Variants in UBE3C observed in about 807,000 individuals in gnomAD.
UBE3C encodes ubiquitin-protein ligase E3C.
Under a neutral mutation model 129.4 loss-of-function variants are expected in UBE3C, and 42 were observed. The observed-to-expected ratio is 0.32, with a 90% CI of 0.25 to 0.42. UBE3C has a LOEUF of 0.42. Among genes scored for constraint, UBE3C ranks in the 10% least tolerant of loss-of-function variants. UBE3C has a pLI of 1.00. For synonymous variants in UBE3C, 510 were observed against 492.4 expected, an observed-to-expected ratio of 1.04 and a Z score of -0.47; for missense variants, 1,049 against 1,319.1, an observed-to-expected ratio of 0.80 and a Z score of 3.17.
chr7:157,226,394 A>G (rs1795879883), intron 17 of UBE3C, among the ~76,000 whole-genome samples: 1 of 152,232 alleles, frequency 6.6e-6, no homozygotes, highest in African/African-American at 2.4e-5. Flanking sequence ...AACCTCTAAT[A>G]TATTAGCAGT....
At chr7:157,164,531 G>A in intron 2 of UBE3C, 1 of 441,024 alleles carries the variant, frequency 2.3e-6, no homozygotes, top group South Asian at 1.6e-5. Flanking sequence ...TGTGAAGAAG[G>A]TAAAAGAAAG....
intron 18 of UBE3C, among the ~76,000 whole-genome samples, chr7:157,246,012 A>AAC (rs1249715774): frequency 3.3e-5 from 5 of 151,924 alleles, no homozygotes; most frequent in South Asian, 2.1e-4. Flanking sequence ...AAAAAAAAAA[A>AAC]AACAGTGTTC....
At chr7:157,198,073 C>G in intron 10 of UBE3C, 2 of 1,611,866 alleles carry the variant, frequency 1.2e-6, no homozygotes, top group Non-Finnish European at 1.7e-6. Context: ...CCTCTTTTAA[C>G]AAACTCCAGA....
intron 1 of UBE3C, among the ~76,000 whole-genome samples, chr7:157,155,229 A>G (rs1426905827): frequency 6.6e-6 from 1 of 152,170 alleles, no homozygotes; most frequent in Non-Finnish European, 1.5e-5. Flanking sequence ...ATTACTCACA[A>G]ATGTTAACTT....
intron 13 of UBE3C, among the ~76,000 whole-genome samples, chr7:157,208,968 A>G (rs532543540): frequency 1.3e-5 from 2 of 152,376 alleles, no homozygotes; most frequent in East Asian, 1.9e-4. Flanking sequence ...ACTAATGTTC[A>G]GTTCGAGTCA....
Position 157,207,472 on chromosome 7 carries a change from C to A in UBE3C, c.1493C>A (p.Pro498Gln). ...MSFEDSSRII[P>Q]LFYLFSSLFS... Reference sequence around the variant, plus strand: ...TTTGAAGATTCTAGTCGAATCATCCCACTCTTTTATCTTTTTAGCTCCTTG... The same window carrying A: ...TTTGAAGATTCTAGTCGAATCATCCAACTCTTTTATCTTTTTAGCTCCTTG... Residue 498 changes from proline to glutamine, a missense_variant, in exon 12 of 23, where the codon CCA becomes CAA. This residue lies in a region of UBE3C where 314 missense variants were observed against 416.9 expected (regional missense o/e 0.75). Transcript: ENST00000348165. 1 of 1,613,904 alleles carries A rather than the reference C, an allele frequency of 6.2e-7. No individual in the cohort carries two copies. The highest frequency in any genetic ancestry group is 8.5e-7 in the Non-Finnish European group (1 of 1,179,994).
chr7:157,221,959 TC>T (rs1795749949), intron 15 of UBE3C: 1 of 152,190 alleles, frequency 6.6e-6, no homozygotes, highest in African/African-American at 2.4e-5. Context: ...AGCCTTGACT[TC>T]CTGGGCTTCA....
At chr7:157,203,439 C>T (rs546429172) in intron 11 of UBE3C, among the ~76,000 whole-genome samples, 7 of 152,200 alleles carry the variant, frequency 4.6e-5, no homozygotes, top group African/African-American at 1.4e-4. Context: ...CTTCTGACTA[C>T]GCCAGCTTTG....
At chr7:157,179,762 G>C (rs555177832) in intron 6 of UBE3C, among the ~76,000 whole-genome samples, 2 of 152,280 alleles carry the variant, frequency 1.3e-5, no homozygotes, top group South Asian at 4.1e-4. Flanking sequence ...CTTGAAGTCT[G>C]GACCACTTGG....
chr7:157,182,979 C>T (rs1352466912), intron 8 of UBE3C, among the ~76,000 whole-genome samples: 1 of 152,162 alleles, frequency 6.6e-6, no homozygotes, highest in Non-Finnish European at 1.5e-5. Context: ...AATCTCTTGA[C>T]CTCGTGATCC....
chr7:157,197,221 G>T (rs1809145701), intron 10 of UBE3C, among the ~76,000 whole-genome samples: 1 of 152,140 alleles, frequency 6.6e-6, no homozygotes, highest in Admixed American at 6.5e-5. Context: ...ATTTCTTAAT[G>T]GCTGTTAGTC....
chr7:157,219,210 A>G (rs902832678), intron 14 of UBE3C, among the ~76,000 whole-genome samples: 1 of 152,196 alleles, frequency 6.6e-6, no homozygotes, highest in Non-Finnish European at 1.5e-5. Context: ...CCCAGAATGC[A>G]AATAGCTGCA....
At chr7:157,190,398 T>G (rs575187268) in intron 10 of UBE3C, among the ~76,000 whole-genome samples, 1 of 152,250 alleles carries the variant, frequency 6.6e-6, no homozygotes, top group East Asian at 1.9e-4. Flanking sequence ...AACTGCAGTG[T>G]CCTGCATGGT....
At chr7:157,158,050 C>CTTTTTT (rs60257662) in intron 1 of UBE3C, among the ~76,000 whole-genome samples, 1 of 101,124 alleles carries the variant, frequency 9.9e-6, no homozygotes, top group Non-Finnish European at 1.8e-5. Context: ...CTCTTTTTTC[C>CTTTTTT]TTTTTTTTTT....
intron 13 of UBE3C, among the ~76,000 whole-genome samples, chr7:157,211,902 G>T (rs1809607043): frequency 6.6e-6 from 1 of 152,176 alleles, no homozygotes; most frequent in South Asian, 2.1e-4. Flanking sequence ...AAACCACAGA[G>T]GCCGGTCCTG....
At chr7:157,184,253 G>GAA (rs1321665367) in intron 9 of UBE3C, among the ~76,000 whole-genome samples, 3 of 152,158 alleles carry the variant, frequency 2.0e-5, no homozygotes, top group Non-Finnish European at 4.4e-5. Flanking sequence ...ACATAGCTTT[G>GAA]TGTTTGGTTT....
At chr7:157,192,448 G>C in intron 10 of UBE3C, 1 of 742,816 alleles carries the variant, frequency 1.3e-6, no homozygotes. Context: ...AAAATGTAAA[G>C]GCCAAGATCC....
Position 157,169,104 on chromosome 7 carries a change from T to C in UBE3C, c.177T>C (p.Tyr59=). 1 of 1,613,670 alleles carries C rather than the reference T, an allele frequency of 6.2e-7. No homozygotes were observed. Among genetic ancestry groups the C allele is most frequent in the Non-Finnish European group, 8.5e-7 (1 of 1,179,834 alleles). The change falls in exon 3 of 23, where the codon TAT becomes TAC. Residue 59 remains tyrosine, a synonymous_variant. Coordinates refer to ENST00000348165, the MANE Select transcript of UBE3C (RefSeq NM_014671.3). ...TTATCCAGTCATTTATTCGAGGCTA[T>C]AGAGACAGAAAACAGCAAGTAAGTT... ...AIIIQSFIRG[Y]RDRKQQYSIQ...
At chr7:157,176,047 GTTT>G (rs1808508693) in intron 5 of UBE3C, among the ~76,000 whole-genome samples, 2 of 152,128 alleles carry the variant, frequency 1.3e-5, no homozygotes, top group African/African-American at 4.8e-5. Flanking sequence ...GTGGGTTGTA[GTTT>G]GCAAAACACC....
Sources: gnomAD v4.1 joint callset for allele counts (sites outside exome capture counted in the v4.1 genomes callset) on GRCh38, gnomAD v4.1.1 for gene constraint, gnomAD v4.1.1 regional missense constraint, MANE v1.5 for transcripts, NCBI Gene and HGNC (gene_info 2026-07-23, HGNC 2026-07-21) for gene names.